AGL: variants seen among roughly 807,000 people sequenced by gnomAD.
AGL encodes the protein glycogen debranching enzyme.
A neutral mutation model predicts 199.3 loss-of-function variants in AGL; 128 were observed. The observed-to-expected ratio is 0.64, with a 90% CI of 0.56 to 0.74. The LOEUF (loss-of-function observed/expected upper bound fraction) is 0.74, where lower values mean the gene tolerates loss of function less well. AGL is among the 30% of genes least tolerant of loss of function. The pLI is 0.00. For missense variants in AGL, 1,809 were observed against 1,820.8 expected, an observed-to-expected ratio of 0.99 and a Z score of 0.12; for synonymous variants, 584 against 594.7, an observed-to-expected ratio of 0.98 and a Z score of 0.26.
intron 3 of AGL, 57 bp downstream of exon 3, chr1:99,861,770 TCA>T (rs1328122577): frequency 6.3e-7 from 1 of 1,575,116 alleles, no homozygotes; most frequent in East Asian, 2.2e-5. Flanking sequence ...TAATTTGAAG[TCA>T]CCTAACTTGT....
At chr1:99,914,332 T>C (rs1225162175) in intron 30 of AGL, among the ~76,000 whole-genome samples, 1 of 152,226 alleles carries the variant, frequency 6.6e-6, no homozygotes, top group African/African-American at 2.4e-5. Context: ...CTAAAGTGGA[T>C]AGCTTTAGTT....
chr1:99,920,439 G>A (rs930116237), intron 33 of AGL, among the ~76,000 whole-genome samples: 20 of 152,176 alleles, frequency 1.3e-4, no homozygotes, highest in African/African-American at 4.8e-4. Context: ...ACATTCTGAG[G>A]TACTCGGGGC....
intron 2 of AGL, among the ~76,000 whole-genome samples, chr1:99,857,027 C>T (rs684047): frequency 0.45 from 66,542 of 148,958 alleles, 14,347 homozygotes; most frequent in East Asian, 0.51. Context: ...CAGGCAGAGG[C>T]GCCCCTCACC....
rs1655153282 is a variant in AGL at position 99,916,796 on chromosome 1, A to G, written c.4481+65A>G. On this transcript the variant is annotated intron_variant, in intron 33 of 33. Transcript: ENST00000361915. ...TAGTCAGTTTATTAGCTATTAGGTAAATTACAGTTTCTTAGAATTGATTTC... is the reference window on the plus strand; with the variant it reads ...TAGTCAGTTTATTAGCTATTAGGTAGATTACAGTTTCTTAGAATTGATTTC... 6 of 1,551,314 alleles carry G rather than the reference A, an allele frequency of 3.9e-6. No individual in the cohort carries two copies. In the South Asian group the frequency reaches 5.6e-5, roughly 14 times the overall value.
chr1:99,914,385 C>T (rs1037019873), intron 30 of AGL, among the ~76,000 whole-genome samples: 5 of 152,124 alleles, frequency 3.3e-5, no homozygotes, highest in African/African-American at 9.7e-5. Flanking sequence ...TCAGTTTGTC[C>T]GGCAAAGAAT....
At chr1:99,920,533 T>G (rs1259153781) in intron 33 of AGL, among the ~76,000 whole-genome samples, 1 of 152,210 alleles carries the variant, frequency 6.6e-6, no homozygotes, top group Non-Finnish European at 1.5e-5. Context: ...CATTTGGCAT[T>G]TTACTCTGAT....
intron 5 of AGL, 31 bp from the exon 6 acceptor site, chr1:99,870,369 G>C: frequency 6.3e-7 from 1 of 1,595,604 alleles, no homozygotes; most frequent in South Asian, 1.1e-5. Flanking sequence ...TTAATTATGA[G>C]ATACTCCTTT....
chr1:99,869,392 A>G (rs946801132), intron 5 of AGL, among the ~76,000 whole-genome samples: 6 of 152,262 alleles, frequency 3.9e-5, no homozygotes, highest in African/African-American at 1.4e-4. Flanking sequence ...GAAACTGGAA[A>G]TAATAATGAT....
chr1:99,852,810 A>G (rs900387148), intron 2 of AGL: 2 of 752,140 alleles, frequency 2.7e-6, no homozygotes, highest in African/African-American at 3.4e-5. Context: ...AATATAAGGC[A>G]TTGATATGAA....
chr1:99,858,245 T>C (rs769764084), intron 2 of AGL, among the ~76,000 whole-genome samples: 1 of 152,238 alleles, frequency 6.6e-6, no homozygotes, highest in Non-Finnish European at 1.5e-5. Context: ...AGATTCGTCC[T>C]TTTCAGAAAT....
chr1:99,863,808 C>A (rs142189456), intron 4 of AGL, among the ~76,000 whole-genome samples: 1 of 146,764 alleles, frequency 6.8e-6, no homozygotes, highest in Non-Finnish European at 1.5e-5. Context: ...GTGCAGTGGC[C>A]TGATCTATTT....
chr1:99,884,963 TAC>T (rs1024955178), intron 20 of AGL, among the ~76,000 whole-genome samples: 3 of 152,116 alleles, frequency 2.0e-5, no homozygotes, highest in Admixed American at 6.5e-5. Context: ...CATCTCTGTA[TAC>T]ACACACACAC....
At chr1:99,871,987 A>C (rs946095461) in intron 7 of AGL, among the ~76,000 whole-genome samples, 6 of 151,872 alleles carry the variant, frequency 4.0e-5, no homozygotes, top group African/African-American at 7.2e-5. Flanking sequence ...TAAGTACATA[A>C]ATTTTATATT....
chr1:99,879,530 GCTCACATCATGTCATTGCA>G (rs1301317657), intron 12 of AGL, among the ~76,000 whole-genome samples: 2 of 152,184 alleles, frequency 1.3e-5, no homozygotes, highest in East Asian at 1.9e-4. Flanking sequence ...GTTGTGGTGA[GCTCACATCATGTCATTGCA>G]CTCCAGCCTG....
At chr1:99,886,636 T>A (rs1235361395) in intron 20 of AGL, among the ~76,000 whole-genome samples, 8 of 152,236 alleles carry the variant, frequency 5.3e-5, no homozygotes, top group Non-Finnish European at 1.2e-4. Flanking sequence ...TATAAAATAG[T>A]TAAAAATAAC....
intron 17 of AGL, among the ~76,000 whole-genome samples, chr1:99,882,323 A>G (rs1271971840): frequency 6.6e-6 from 1 of 152,164 alleles, no homozygotes; most frequent in African/African-American, 2.4e-5. Flanking sequence ...CAATATGTAT[A>G]TTTGTGTTAG....
intron 25 of AGL, among the ~76,000 whole-genome samples, chr1:99,899,596 CCTTTCTTTCTTTCCTTCTTT>C (rs1338013962): frequency 1.6e-5 from 2 of 127,458 alleles, no homozygotes; most frequent in Non-Finnish European, 3.3e-5. Context: ...TTCCTTCCTT[CCTTTCTTTCTTTCCTTCTTT>C]CTTTCTTTTC....
At position 99,874,847 on chromosome 1, in the gene AGL, T is replaced by G. The variant is rs748421957; in HGVS notation, c.1082+37T>G. 2.5e-6 allele frequency: 4 copies of G among 1,602,878 alleles called. No individual in the cohort carries two copies. The East Asian group carries it at 6.7e-5, about 27-fold the overall frequency. ...GTTTTTTTCTGTGAAATAATAATAT[T>G]ACTTACAAACCTTTATGGCTAGTAT... On this transcript the variant is annotated intron_variant, in intron 8 of 33. Coordinates refer to ENST00000361915, the MANE Select transcript of AGL (RefSeq NM_000642.3).
intron 2 of AGL, among the ~76,000 whole-genome samples, chr1:99,855,232 A>T (rs1282682426): frequency 6.6e-6 from 1 of 151,972 alleles, no homozygotes; most frequent in Admixed American, 6.6e-5. Flanking sequence ...AGAGAGGACA[A>T]AGTATGAGTT....
Sources: gnomAD v4.1 joint callset for allele counts (sites outside exome capture counted in the v4.1 genomes callset) on GRCh38, gnomAD v4.1.1 for gene constraint, MANE v1.5 for transcripts, NCBI Gene and HGNC (gene_info 2026-07-23, HGNC 2026-07-21) for gene names.